The following TASL variants were observed in gnomAD, a reference collection of about 807,000 sequenced individuals.
TASL encodes the protein TLR adapter interacting with SLC15A4 on the lysosome.
TASL carries 6 observed loss-of-function variants against 12.9 expected under a neutral mutation model. The observed-to-expected ratio is 0.46, with a 90% CI of 0.25 to 0.92. The LOEUF (loss-of-function observed/expected upper bound fraction) is 0.92. TASL is among the 40% of genes least tolerant of loss of function. TASL has a pLI of 0.17. For synonymous variants in TASL, 85 were observed against 79.3 expected, an observed-to-expected ratio of 1.07 and a Z score of -0.38; for missense variants, 165 against 212.8, an observed-to-expected ratio of 0.78 and a Z score of 1.40.
At chrX:30,571,246 G>GAGAAAGAA (rs200635175) in intron 2 of TASL, among the ~76,000 whole-genome samples, 4 of 47,088 alleles carry the variant, frequency 8.5e-5, no homozygotes, top group Middle Eastern at 9.2e-3. Context: ...GAAGGAAAAA[G>GAGAAAGAA]AGAAAGAAAG....
chrX:30,567,690 T>C (rs758591795), intron 2 of TASL, among the ~76,000 whole-genome samples: 1 of 111,310 alleles, frequency 9.0e-6, no homozygotes, highest in Non-Finnish European at 1.9e-5. Context: ...AATCCTCCTC[T>C]TCATGATGAC....
chrX:30,577,352 T>C (rs1431288886), intron 1 of TASL, among the ~76,000 whole-genome samples: 2 of 112,138 alleles, frequency 1.8e-5, no homozygotes, highest in Non-Finnish European at 3.8e-5. Context: ...TTTGCTCAGA[T>C]CAGTCAAAAA....
At position 30,560,026 on chromosome X, in the gene TASL, G is replaced by A. The variant is rs781525550; in HGVS notation, c.330C>T (p.Thr110=). 1.2e-5 allele frequency: 14 copies of A among 1,211,054 alleles called. No individual in the cohort carries two copies. Among genetic ancestry groups the A allele is most frequent in the Non-Finnish European group, 1.5e-5 (13 of 894,899 alleles). The change falls in exon 3 of 3, where the codon ACC becomes ACT. Residue 110 remains threonine, a synonymous_variant. Coordinates refer to ENST00000378962, the MANE Select transcript of TASL (RefSeq NM_025159.3). ...VEICRDASRE[T]YLVPSSCKSI... is the part of the protein sequence containing the mutation. ...TTTTGCAAGAAGATGGAACCAAGTA[G>A]GTCTCTCTGCTGGCATCTCTACATA...
intron 2 of TASL, among the ~76,000 whole-genome samples, chrX:30,568,686 T>G (rs752900864): frequency 3.6e-5 from 4 of 110,560 alleles, no homozygotes; most frequent in African/African-American, 1.3e-4. Context: ...CCTAACAGAG[T>G]CTTCTTTCAT....
At position 30,560,038 on chromosome X, in the gene TASL, G is replaced by A. The variant is rs1930394093; in HGVS notation, c.318C>T (p.Ala106=). ...NLAAVEICRD[A]SRETYLVPSS... is the part of the protein sequence containing the mutation. ...ATGGAACCAAGTAGGTCTCTCTGCT[G>A]GCATCTCTACATATTTCAACTGCAG... Residue 106 remains alanine (A), a synonymous_variant, in exon 3 of 3, where the codon GCC becomes GCT. Coordinates refer to ENST00000378962, the MANE Select transcript of TASL (RefSeq NM_025159.3). 8.3e-7 allele frequency: 1 copy of A among 1,211,109 alleles called. No individual in the cohort carries two copies. The highest frequency in any genetic ancestry group is 1.1e-6 in the Non-Finnish European group (1 of 894,968).
intron 2 of TASL, among the ~76,000 whole-genome samples, chrX:30,562,812 A>G (rs1226992472): frequency 1.8e-5 from 2 of 109,956 alleles, no homozygotes; most frequent in African/African-American, 6.6e-5. Flanking sequence ...CCTAGGAAAG[A>G]TAGCAGAATA....
chrX:30,575,862 T>A lies in TASL; in HGVS notation c.-2+890A>T, dbSNP rs1601839707. On this transcript the variant is annotated intron_variant, in intron 2 of 2. Transcript: ENST00000378962. Reference sequence around the variant, plus strand: ...AAATATATTTTATCATAGTTTGGATTTTTCTTTATACTCCTTCTTGATATA... The same window carrying A: ...AAATATATTTTATCATAGTTTGGATATTTCTTTATACTCCTTCTTGATATA... 2.7e-5 allele frequency among the ~76,000 whole-genome samples: 3 copies of A among 111,889 alleles called. No individual in the cohort carries two copies. In the East Asian group the frequency reaches 8.3e-4, roughly 31 times the overall value.
At chrX:30,571,309 A>AGAAAGAAAGAAAGAAG (rs1930617876) in intron 2 of TASL, among the ~76,000 whole-genome samples, 1 of 106,041 alleles carries the variant, frequency 9.4e-6, no homozygotes, top group African/African-American at 3.5e-5. Flanking sequence ...AAAGAAAGAA[A>AGAAAGAAAGAAAGAAG]GAAAGAAAGA....
At chrX:30,567,617 A>G (rs1320204730) in intron 2 of TASL, among the ~76,000 whole-genome samples, 1 of 111,784 alleles carries the variant, frequency 8.9e-6, no homozygotes, top group Non-Finnish European at 1.9e-5. Flanking sequence ...GCCACTCTGT[A>G]TAGTGAGAGG....
At chrX:30,565,723 T>G (rs1321317433) in intron 2 of TASL, among the ~76,000 whole-genome samples, 1 of 112,285 alleles carries the variant, frequency 8.9e-6, no homozygotes, top group Admixed American at 9.4e-5. Flanking sequence ...AACATAAAAT[T>G]TTTAAATACT....
In TASL at chrX:30,560,085, C is replaced by A. The variant is rs762713962; in HGVS notation, c.271G>T (p.Val91Leu). Residue 91 changes from valine (V) to leucine (L), a missense_variant, in exon 3 of 3, where the codon GTG becomes TTG. Transcript: ENST00000378962. Reference sequence around the variant, plus strand: ...GCAGCCAAGTTTGGGCTTTCAAACACAGGATTGGGGTTTGTCTGCAGCACT... The same window carrying A: ...GCAGCCAAGTTTGGGCTTTCAAACAAAGGATTGGGGTTTGTCTGCAGCACT... The part of the protein sequence containing the change: ...VTVLQTNPNP[V>L]FESPNLAAVE... 1.5e-4 allele frequency: 183 copies of A among 1,209,842 alleles called. 3 individuals are homozygous for A. The South Asian group carries it at 3.0e-3, about 20-fold the overall frequency.
At chrX:30,564,746 C>T (rs1360045493) in intron 2 of TASL, among the ~76,000 whole-genome samples, 2 of 111,937 alleles carry the variant, frequency 1.8e-5, no homozygotes, top group Non-Finnish European at 3.8e-5. Context: ...CTATGTGCTC[C>T]ACTGAAAGGA....
At chrX:30,570,234 T>A (rs1272400677) in intron 2 of TASL, among the ~76,000 whole-genome samples, 1 of 64,174 alleles carries the variant, frequency 1.6e-5, no homozygotes, top group African/African-American at 7.0e-5. Flanking sequence ...ATACTCTCTC[T>A]CTCACACACA....
intron 2 of TASL, among the ~76,000 whole-genome samples, chrX:30,566,513 A>G (rs1030843196): frequency 9.0e-6 from 1 of 111,541 alleles, no homozygotes; most frequent in Admixed American, 9.5e-5. Context: ...TCTCAAAAAC[A>G]AACAAATAAA....
At chrX:30,567,810 G>A (rs1197470489) in intron 2 of TASL, among the ~76,000 whole-genome samples, 3 of 112,177 alleles carry the variant, frequency 2.7e-5, no homozygotes, top group Non-Finnish European at 5.6e-5. Flanking sequence ...GATAAAAGTA[G>A]TTGCTTCTGG....
intron 2 of TASL, among the ~76,000 whole-genome samples, chrX:30,571,282 G>GAAAGAAAGAAAGAAAGAA (rs1569306137): frequency 2.3e-4 from 16 of 68,497 alleles, no homozygotes; most frequent in East Asian, 5.7e-4. Context: ...AAGAAAGAAA[G>GAAAGAAAGAAAGAAAGAA]AAAGAAAGAA....
intron 2 of TASL, among the ~76,000 whole-genome samples, chrX:30,571,867 A>G (rs1469271050): frequency 1.8e-5 from 2 of 111,011 alleles, no homozygotes; most frequent in East Asian, 5.6e-4. Flanking sequence ...AGATGTTAAC[A>G]TATTTGTTAG....
At chrX:30,571,264 A>AAGAAAG (rs1555998449) in intron 2 of TASL, among the ~76,000 whole-genome samples, 83 of 29,078 alleles carry the variant, frequency 2.9e-3, no homozygotes, top group Non-Finnish European at 5.1e-3. Flanking sequence ...AAGAGAAAGA[A>AAGAAAG]AGAAAGAAAG....
intron 2 of TASL, among the ~76,000 whole-genome samples, chrX:30,569,525 C>T (rs1411111678): frequency 9.0e-6 from 1 of 111,454 alleles, no homozygotes; most frequent in African/African-American, 3.3e-5. Context: ...AGAGAAGCTA[C>T]TTAAAGTCCA....
Sources: allele counts gnomAD v4.1 joint callset (sites outside exome capture counted in the v4.1 genomes callset), GRCh38; gene constraint gnomAD v4.1.1; transcripts MANE v1.5; gene names NCBI Gene and HGNC (gene_info 2026-07-23, HGNC 2026-07-21).